Variants in MED1 observed in about 807,000 individuals in gnomAD.
MED1 encodes mediator of RNA polymerase II transcription subunit 1.
In MED1, 17 loss-of-function variants were observed where a neutral mutation model predicts 121.3. The observed-to-expected ratio is 0.14, with a 90% confidence interval of 0.10 to 0.21. The LOEUF is 0.21. Among genes scored for constraint, MED1 ranks in the 10% least tolerant of loss-of-function variants. The probability of loss-of-function intolerance (pLI) is 1.00; values close to 1 mark genes in which losing one functional copy is unlikely to be tolerated. For missense variants in MED1, 1,558 were observed against 1,919.4 expected (o/e 0.81, Z 3.52); for synonymous variants, 661 against 694.4 (o/e 0.95, Z 0.76).
chr17:39,414,797 G>A (rs1008547086), intron 16 of MED1, among the ~76,000 whole-genome samples: 2 of 151,668 alleles, frequency 1.3e-5, no homozygotes, highest in Non-Finnish European at 2.9e-5. Flanking sequence ...AGCCTCCCGA[G>A]TAGCTGGTAC....
In MED1 at chr17:39,429,702, T is replaced by TAAAAAA. The variant is rs757034804; in HGVS notation, c.649+1407_649+1412dup. Among the ~76,000 whole-genome samples the TAAAAAA allele has an allele frequency of 8.2e-5, 4 of 48,964 alleles. 1 individual carries two copies. Among genetic ancestry groups the TAAAAAA allele is most frequent in the African/African-American group, 4.0e-4 (4 of 10,050 alleles). 32.1% of individuals were successfully genotyped at this position (48,964 alleles called of 152,430 possible). ...CAGAGCAAGACTCTGCCTAAATGCCTAAAAAAAAAAAAAAAAAAAAAAAAA... is the reference window on the plus strand; with the variant it reads ...CAGAGCAAGACTCTGCCTAAATGCCTAAAAAAAAAAAAAAAAAAAAAAAAAAAAAAA... On this transcript the variant is annotated intron_variant, in intron 9 of 16. Transcript: ENST00000300651.
chr17:39,424,644 A>G lies in MED1; in HGVS notation c.834T>C (p.His278=). Residue 278 remains histidine (H), a synonymous_variant, in exon 11 of 17, where the codon CAT becomes CAC. Coordinates refer to ENST00000300651, the MANE Select transcript of MED1 (RefSeq NM_004774.4). ...LPIAPLIMGS[H]PVDNKWTPSF... ...TAACTTACCATTTATTGTCAACTGGATGTGACCCCATAATTAATGGTGCAA... is the reference window on the plus strand; with the variant it reads ...TAACTTACCATTTATTGTCAACTGGGTGTGACCCCATAATTAATGGTGCAA... 2 of 1,592,570 alleles carry G rather than the reference A, an allele frequency of 1.3e-6. No homozygotes were observed. Among genetic ancestry groups the G allele is most frequent in the Non-Finnish European group, 1.7e-6 (2 of 1,165,166 alleles).
At chr17:39,442,612 A>G (rs2048688923) in intron 3 of MED1, among the ~76,000 whole-genome samples, 2 of 150,490 alleles carry the variant, frequency 1.3e-5, no homozygotes, top group South Asian at 4.2e-4. Context: ...AAAAAAAAAA[A>G]AAAAAAAAAC....
In MED1 at chr17:39,408,956, C is replaced by G; in HGVS notation, c.3265G>C (p.Val1089Leu). ...SHSQYTSSGS[V>L]SSSGSKSHHS... ...TGGCTTTTGCTGCCTGAGGAAGACA[C>G]AGAACCACTGCTGGTATACTGACTG... The change falls in exon 17 of 17, where the codon GTG becomes CTG. Residue 1089 changes from valine (V) to leucine (L), a missense_variant. Physicochemically the swap from Val to Leu is conservative, Grantham distance 32. This residue lies in a region of MED1 where 793 missense variants were observed against 898.2 expected (regional missense o/e 0.88). Transcript: ENST00000300651. This position sits in a 1 kb window ranked among gnomAD's most constrained non-coding sequence, Gnocchi z 4.7. 1.2e-6 allele frequency: 2 copies of G among 1,614,172 alleles called. No homozygotes were observed. The highest frequency in any genetic ancestry group is 1.1e-5 in the South Asian group (1 of 91,084).
chr17:39,443,485 A>G, intron 3 of MED1, 65 bp downstream of exon 3: 1 of 1,418,938 alleles, frequency 7.0e-7, no homozygotes, highest in Non-Finnish European at 9.9e-7. Context: ...TAGTTTAAGT[A>G]TAAAATGGTC....
At chr17:39,418,001 G>A (rs796585703) in intron 14 of MED1, among the ~76,000 whole-genome samples, 47 of 140,746 alleles carry the variant, frequency 3.3e-4, no homozygotes, top group African/African-American at 1.2e-3. Context: ...CAGGAGAATC[G>A]CTTGAACCTG....
chr17:39,412,629 C>T (rs2048368110), intron 16 of MED1, among the ~76,000 whole-genome samples: 1 of 151,302 alleles, frequency 6.6e-6, no homozygotes, highest in African/African-American at 2.4e-5. Context: ...ACTTCCGCCT[C>T]CCAGGTTCAA....
intron 13 of MED1, among the ~76,000 whole-genome samples, chr17:39,420,693 T>C (rs1364328081): frequency 6.6e-6 from 1 of 151,830 alleles, no homozygotes; most frequent in Non-Finnish European, 1.5e-5. Flanking sequence ...GGAGTACAAT[T>C]GTGCAATCTT....
At chr17:39,437,831 G>T (rs969488806) in intron 6 of MED1, among the ~76,000 whole-genome samples, 1 of 152,052 alleles carries the variant, frequency 6.6e-6, no homozygotes, top group African/African-American at 2.4e-5. Flanking sequence ...CTACTCGGGA[G>T]GCTGAGGCAG....
chr17:39,424,824 A>G (rs2048499488), intron 10 of MED1, 86 bp from the exon 11 acceptor site: 8 of 767,940 alleles, frequency 1.0e-5, no homozygotes, highest in Admixed American at 7.5e-5. Flanking sequence ...AATTTTTGCA[A>G]TATTTGTCAG....
chr17:39,425,227 T>A (rs1429238976), intron 10 of MED1, among the ~76,000 whole-genome samples: 2 of 151,928 alleles, frequency 1.3e-5, no homozygotes, highest in East Asian at 2.0e-4. Context: ...AGAGTCTCAC[T>A]CTGTCCAGAC....
rs780556011 is a variant in MED1, at chr17:39,443,604, C to G, written c.157G>C (p.Gly53Arg). 1.5e-5 allele frequency: 24 copies of G among 1,613,832 alleles called. No homozygotes were observed. Among genetic ancestry groups the G allele is most frequent in the Non-Finnish European group, 1.9e-5 (23 of 1,179,936 alleles). The change falls in exon 3 of 17, where the codon GGA becomes CGA. Residue 53 changes from glycine to arginine, a missense_variant. By Grantham distance (125) the Gly-to-Arg change is moderately radical. Coordinates refer to ENST00000300651, the MANE Select transcript of MED1 (RefSeq NM_004774.4). Reference protein sequence around the residue: ...VMEKRVVMSSGGHQHLVSCLE... With the variant: ...VMEKRVVMSSRGHQHLVSCLE... The stretch of plus-strand genomic sequence containing the variant: ...CAGCTGACCAAATGTTGATGCCCTC[C>G]AGAACTCATCACAACCCTCTTCTCC...
At chr17:39,434,497 A>G (rs1479741664) in intron 6 of MED1, among the ~76,000 whole-genome samples, 177 bp from the exon 7 acceptor site, 1 of 152,194 alleles carries the variant, frequency 6.6e-6, no homozygotes, top group Admixed American at 6.6e-5. Flanking sequence ...AGAAAAGAAA[A>G]TATTTTCCTT....
rs2048320618 is a variant in MED1, at chr17:39,408,111, A to G, written c.4110T>C (p.Ser1370=). The change falls in exon 17 of 17, where the codon AGT becomes AGC. Residue 1370 remains serine (S), a synonymous_variant. Coordinates refer to ENST00000300651, the MANE Select transcript of MED1 (RefSeq NM_004774.4). The surrounding 1 kb of genome is among the most constrained non-coding windows in gnomAD (Gnocchi z 4.7). ...AGGTCTTCTTAGAAGAATCCACTGA[A>G]CTCCCGGAGGTGGAAACCTTTGATT... The part of the protein sequence containing the change: ...KDKSKVSTSG[S]SVDSSKKTSE... The G allele has an allele frequency of 6.2e-7, 1 of 1,613,970 alleles. No individual in the cohort carries two copies. The highest frequency in any genetic ancestry group is 1.3e-5 in the African/African-American group (1 of 74,980).
Position 39,406,972 on chromosome 17 carries a change from A to C in MED1, c.*503T>G. The C allele has an allele frequency of 2.0e-6, 2 of 986,538 alleles. No individual in the cohort carries two copies. Among genetic ancestry groups the C allele is most frequent in the Non-Finnish European group, 2.4e-6 (2 of 830,376 alleles). The allele number at this position is 986,538 out of a possible 1,614,324, so 61.1% of individuals were successfully genotyped here. On this transcript the variant is annotated 3_prime_UTR_variant, in exon 17 of 17. Transcript: ENST00000300651. ...TTACTTAAGTGTCCAAAATGACCAA[A>C]GTCCTTCATTTGCCCATGACTCAAA...
chr17:39,438,199 TCTTG>T (rs1232227288), intron 6 of MED1, among the ~76,000 whole-genome samples: 1 of 149,656 alleles, frequency 6.7e-6, no homozygotes, highest in Non-Finnish European at 1.5e-5. Flanking sequence ...TGAGATGGAG[TCTTG>T]CTCTGTCACC....
At chr17:39,433,237 C>A (rs1038857788) in intron 7 of MED1, among the ~76,000 whole-genome samples, 2 of 150,842 alleles carry the variant, frequency 1.3e-5, no homozygotes, top group Admixed American at 1.3e-4. Flanking sequence ...GGCGTGGTGG[C>A]GCATAGCCGT....
At chr17:39,428,529 C>T (rs1239374698) in intron 9 of MED1, among the ~76,000 whole-genome samples, 1 of 151,436 alleles carries the variant, frequency 6.6e-6, no homozygotes, top group South Asian at 2.1e-4. Flanking sequence ...GGTGAGTGCC[C>T]GTAGTCCCAG....
Position 39,406,275 on chromosome 17 carries a change from A to G in MED1, c.*1200T>C, listed in dbSNP as rs2048302663. The G allele has an allele frequency of 4.0e-5, 39 of 985,438 alleles. 1 individual carries two copies. The South Asian group carries it at 1.6e-3, about 42-fold the overall frequency. 61.0% of individuals were successfully genotyped at this position (985,438 alleles called of 1,614,324 possible). ...AGCTTGAAATTGTTTTAAGTGAACTATGGCTGCGGATTTTTTACTGTTTTA... is the reference window on the plus strand; with the variant it reads ...AGCTTGAAATTGTTTTAAGTGAACTGTGGCTGCGGATTTTTTACTGTTTTA... On this transcript the variant is annotated 3_prime_UTR_variant, in exon 17 of 17. Coordinates refer to ENST00000300651, the MANE Select transcript of MED1 (RefSeq NM_004774.4).
Sources: gnomAD v4.1 joint callset for allele counts (sites outside exome capture counted in the v4.1 genomes callset) on GRCh38, gnomAD v4.1.1 for gene constraint, gnomAD v4.1.1 regional missense constraint, Gnocchi (gnomAD v3.1) non-coding constraint, MANE v1.5 for transcripts, NCBI Gene and HGNC (gene_info 2026-07-23, HGNC 2026-07-21) for gene names.